Variants in RYR3 observed in about 807,000 individuals in gnomAD.
The protein encoded by RYR3 is brain ryanodine receptor-calcium release channel.
In RYR3, 207 loss-of-function variants were observed where a neutral mutation model predicts 584.3. The observed-to-expected ratio is 0.35, with a 90% CI of 0.32 to 0.40. RYR3 has a LOEUF of 0.40. RYR3 is among the 10% of genes least tolerant of loss of function. The pLI is 1.00. For missense variants in RYR3, 5,616 were observed against 6,089.2 expected, an observed-to-expected ratio of 0.92 and a Z score of 2.59; for synonymous variants, 2,416 against 2,248.5, an observed-to-expected ratio of 1.07 and a Z score of -2.11.
At position 33,646,598 on chromosome 15, in the gene RYR3, C is replaced by T. The variant is rs1754775049; in HGVS notation, c.3941+72C>T. 5 of 1,375,332 alleles carry T rather than the reference C, an allele frequency of 3.6e-6. No homozygotes were observed. The South Asian group carries it at 6.8e-5, about 19-fold the overall frequency. 85.2% of individuals were successfully genotyped at this position (1,375,332 alleles called of 1,614,324 possible). A position where few individuals can be genotyped will look rare whatever the true frequency, so the allele number is the denominator to read the frequency against. On this transcript the variant is annotated intron_variant, in intron 29 of 103. Transcript: ENST00000634891. ...GTAAAGTGGGCTTTCTGCTTTTTAC[C>T]CTAACTCAGCATAGGAACTCCACTG...
intron 61 of RYR3, 113 bp from the exon 62 acceptor site, chr15:33,768,999 A>G (rs1234101929): frequency 6.1e-6 from 5 of 822,302 alleles, no homozygotes; most frequent in Admixed American, 5.3e-5. Flanking sequence ...CCAGGACTTT[A>G]TGTGTTGGTA....
chr15:33,375,344 T>C (rs780663770), intron 1 of RYR3, among the ~76,000 whole-genome samples: 2 of 152,194 alleles, frequency 1.3e-5, no homozygotes, highest in Non-Finnish European at 2.9e-5. Context: ...GAGATGTTGA[T>C]TGTTTAGATG....
chr15:33,486,468 C>A (rs2050434388), intron 2 of RYR3, among the ~76,000 whole-genome samples: 1 of 152,262 alleles, frequency 6.6e-6, no homozygotes, highest in East Asian at 1.9e-4. Context: ...GTAAGAGGGC[C>A]TCCATCTCAA....
intron 1 of RYR3, among the ~76,000 whole-genome samples, chr15:33,443,844 T>C (rs2046412751): frequency 6.6e-6 from 1 of 152,236 alleles, no homozygotes; most frequent in African/African-American, 2.4e-5. Context: ...CCTTAGCTCC[T>C]GTTATCATTT....
chr15:33,558,211 G>A (rs7179398), intron 10 of RYR3, among the ~76,000 whole-genome samples: 126,610 of 151,712 alleles, frequency 0.83, 53,378 homozygotes, highest in Middle Eastern at 0.94. Context: ...CTAGTCATTT[G>A]CATTAGGTAT....
intron 1 of RYR3, among the ~76,000 whole-genome samples, chr15:33,393,694 G>C (rs991827498): frequency 5.3e-5 from 8 of 152,282 alleles, no homozygotes; most frequent in African/African-American, 1.9e-4. Context: ...TTGCATGTTG[G>C]TCGTTTGGTA....
intron 1 of RYR3, among the ~76,000 whole-genome samples, chr15:33,360,705 A>G (rs1292014738): frequency 6.6e-6 from 1 of 152,274 alleles, no homozygotes; most frequent in East Asian, 1.9e-4. Flanking sequence ...AGAGAGGGTC[A>G]GTGACATTCC....
intron 70 of RYR3, among the ~76,000 whole-genome samples, chr15:33,809,612 C>CTT (rs34554811): frequency 4.5e-4 from 60 of 132,294 alleles, no homozygotes; most frequent in East Asian, 2.5e-3. Flanking sequence ...TCCTCTCTCT[C>CTT]TTTTTTTTTT....
chr15:33,773,165 T>G (rs1469140555), intron 63 of RYR3, among the ~76,000 whole-genome samples: 1 of 152,206 alleles, frequency 6.6e-6, no homozygotes, highest in Non-Finnish European at 1.5e-5. Context: ...GCATTCATCC[T>G]TCCAAAGGAA....
intron 1 of RYR3, among the ~76,000 whole-genome samples, chr15:33,383,439 G>T (rs552164476): frequency 2.0e-5 from 3 of 151,812 alleles, no homozygotes; most frequent in East Asian, 3.9e-4. Context: ...TCCGGAAATT[G>T]CCTTCTGGAT....
At chr15:33,776,727 T>C (rs1234081086) in intron 64 of RYR3, among the ~76,000 whole-genome samples, 1 of 152,244 alleles carries the variant, frequency 6.6e-6, no homozygotes, top group East Asian at 1.9e-4. Context: ...ACTTTCAAAA[T>C]TGCAAAGCAC....
chr15:33,340,885 C>T (rs1971732673), intron 1 of RYR3, among the ~76,000 whole-genome samples: 1 of 152,144 alleles, frequency 6.6e-6, no homozygotes, highest in Non-Finnish European at 1.5e-5. Flanking sequence ...AGTGACTTTT[C>T]CTGTACTCCT....
intron 2 of RYR3, among the ~76,000 whole-genome samples, chr15:33,487,125 G>C (rs1466570802): frequency 2.0e-5 from 3 of 152,010 alleles, no homozygotes; most frequent in African/African-American, 7.3e-5. Flanking sequence ...TTGAACCCAG[G>C]AGGCGGAGGT....
Position 33,837,091 on chromosome 15 carries a change from T to A in RYR3, c.11650+104T>A. 3.2e-6 allele frequency: 3 copies of A among 951,396 alleles called. No individual in the cohort carries two copies. The Admixed American group carries it at 6.7e-5, about 21-fold the overall frequency. 58.9% of individuals were successfully genotyped at this position (951,396 alleles called of 1,614,324 possible). On this transcript the variant is annotated intron_variant, in intron 88 of 103. Coordinates refer to ENST00000634891, the MANE Select transcript of RYR3 (RefSeq NM_001036.6). ...TCCTTCTGGCAGGTCACTGATGCCA[T>A]ATGACATTGGTCAGAAAGCCAAATT... is the stretch of plus-strand genomic sequence containing the variant.
chr15:33,832,059 T>C (rs2077710589), intron 86 of RYR3, among the ~76,000 whole-genome samples: 1 of 152,016 alleles, frequency 6.6e-6, no homozygotes. Context: ...TTTGGGAGGC[T>C]GAGGCGGGTG....
At chr15:33,578,812 T>G (rs999884169) in intron 12 of RYR3, among the ~76,000 whole-genome samples, 1 of 151,716 alleles carries the variant, frequency 6.6e-6, no homozygotes, top group African/African-American at 2.4e-5. Context: ...TGATGTTACT[T>G]GCACATTGAG....
chr15:33,654,523 A>T (rs2062708257), intron 32 of RYR3, among the ~76,000 whole-genome samples: 3 of 147,876 alleles, frequency 2.0e-5, no homozygotes, highest in South Asian at 4.3e-4. Flanking sequence ...AAAAAAAAAA[A>T]GAATGAATTT....
chr15:33,838,823 C>A lies in RYR3; in HGVS notation c.12843C>A (p.Leu4281=). The part of the protein sequence containing the change: ...EKGDTDIMSD[L]FGLHPKKEGS... ...GAGATACAGATATCATGTCAGACCT[C>A]TTTGGACTCCACCCAAAGAAAGAGG... Residue 4281 remains leucine, a synonymous_variant, in exon 89 of 104, where the codon CTC becomes CTA. Transcript: ENST00000634891. The A allele has an allele frequency of 6.2e-7, 1 of 1,613,908 alleles. No homozygotes were observed. Among genetic ancestry groups the A allele is most frequent in the Non-Finnish European group, 8.5e-7 (1 of 1,179,846 alleles).
At chr15:33,700,139 G>GTA (rs112858248) in intron 41 of RYR3, among the ~76,000 whole-genome samples, 2 of 152,298 alleles carry the variant, frequency 1.3e-5, no homozygotes, top group African/African-American at 4.8e-5. Flanking sequence ...GGGATTGCAG[G>GTA]TATAGTCTGG....
Sources: gnomAD v4.1 joint callset for allele counts (sites outside exome capture counted in the v4.1 genomes callset) on GRCh38, gnomAD v4.1.1 for gene constraint, MANE v1.5 for transcripts, NCBI Gene and HGNC (gene_info 2026-07-23, HGNC 2026-07-21) for gene names.